Variants in CSMD2 observed in about 807,000 individuals in gnomAD.
CSMD2 encodes CUB and Sushi multiple domains 2, also known as CUB and sushi domain-containing protein 2.
A neutral mutation model predicts 398.5 loss-of-function variants in CSMD2; 130 were observed. The observed-to-expected ratio is 0.33, with a 90% confidence interval of 0.28 to 0.38. The LOEUF (loss-of-function observed/expected upper bound fraction) is 0.38. Among genes scored for constraint, CSMD2 ranks in the 10% least tolerant of loss-of-function variants. The pLI is 1.00. For missense variants in CSMD2, 3,829 were observed against 4,764.9 expected (o/e 0.80, Z 5.78); for synonymous variants, 1,828 against 1,908.5 (o/e 0.96, Z 1.10).
intron 53 of CSMD2, among the ~76,000 whole-genome samples, chr1:33,560,200 T>A (rs905587330): frequency 3.9e-5 from 6 of 152,190 alleles, no homozygotes; most frequent in African/African-American, 1.4e-4. Flanking sequence ...CAGTGTTGCC[T>A]CTGTGGGTGG....
chr1:33,765,189 TG>T lies in CSMD2; in HGVS notation c.1846+7379del, dbSNP rs564081221. On this transcript the variant is annotated intron_variant, in intron 13 of 70. Coordinates refer to ENST00000373381, the MANE Select transcript of CSMD2 (RefSeq NM_001281956.2). ...TGCACATACAAAAATCCCAATAGGA[TG>T]TTTTTTTTACTCTGACAAAATGATT... Among the ~76,000 whole-genome samples the T allele has an allele frequency of 1.4e-4, 22 of 152,372 alleles. No homozygotes were observed. The East Asian group carries it at 2.7e-3, about 19-fold the overall frequency.
chr1:33,621,261 G>T (rs1361404579), intron 37 of CSMD2, among the ~76,000 whole-genome samples: 1 of 152,088 alleles, frequency 6.6e-6, no homozygotes. Context: ...TTTGTACTGC[G>T]GGGACCTAAC....
chr1:33,684,503 G>A (rs1036122261), intron 25 of CSMD2, among the ~76,000 whole-genome samples: 3 of 151,990 alleles, frequency 2.0e-5, no homozygotes, highest in African/African-American at 4.8e-5. Flanking sequence ...GCTTCAACCC[G>A]AACCACATTT....
At chr1:33,582,880 G>C (rs1288871374) in intron 47 of CSMD2, among the ~76,000 whole-genome samples, 2 of 152,180 alleles carry the variant, frequency 1.3e-5, no homozygotes, top group African/African-American at 4.8e-5. Flanking sequence ...TGTAGCTGTT[G>C]ATCTGGCCAT....
At chr1:33,686,196 CCCTTT>C (rs1419900549) in intron 25 of CSMD2, among the ~76,000 whole-genome samples, 1 of 152,190 alleles carries the variant, frequency 6.6e-6, no homozygotes, top group Non-Finnish European at 1.5e-5. Flanking sequence ...GGCTTTCCCT[CCCTTT>C]CTTTTCCAGT....
intron 5 of CSMD2, among the ~76,000 whole-genome samples, chr1:33,907,514 A>T (rs575478179): frequency 6.6e-6 from 1 of 152,114 alleles, no homozygotes; most frequent in South Asian, 2.1e-4. Flanking sequence ...ATGAATGGGG[A>T]GAGAAGACTT....
chr1:33,656,007 C>T (rs1469180363), intron 27 of CSMD2, among the ~76,000 whole-genome samples: 1 of 152,180 alleles, frequency 6.6e-6, no homozygotes, highest in East Asian at 1.9e-4. Context: ...TTGCAGAAGG[C>T]TGAATTTGGA....
At chr1:33,521,438 CTT>C in intron 68 of CSMD2, 23 bp downstream of exon 68, 1 of 1,328,744 alleles carries the variant, frequency 7.5e-7, no homozygotes, top group Non-Finnish European at 1.1e-6. Flanking sequence ...CGGGCCCACA[CTT>C]CCGGGGGACA....
At position 33,679,289 on chromosome 1, in the gene CSMD2, C is replaced by T. The variant is rs553401374; in HGVS notation, c.4052+13641G>A. 1.9e-3 allele frequency among the ~76,000 whole-genome samples: 284 copies of T among 151,612 alleles called. 2 individuals carry two copies. Among genetic ancestry groups the T allele is most frequent in the Middle Eastern group, 0.014 (4 of 294 alleles). On this transcript the variant is annotated intron_variant, in intron 25 of 70. Transcript: ENST00000373381. ...CCATCTTGGCTCACTGCAATCTCCG[C>T]CCCCTGGGTTCAAGCGATTCTCCTG...
intron 3 of CSMD2, among the ~76,000 whole-genome samples, chr1:33,938,425 T>G (rs1357950909): frequency 6.6e-6 from 1 of 150,918 alleles, no homozygotes; most frequent in Admixed American, 6.6e-5. Flanking sequence ...CATGATCCCA[T>G]GTTGCTGGCT....
chr1:34,084,426 C>T (rs1184778625), intron 2 of CSMD2, among the ~76,000 whole-genome samples: 1 of 152,142 alleles, frequency 6.6e-6, no homozygotes, highest in Non-Finnish European at 1.5e-5. Context: ...AAGAAACCAC[C>T]ATCAGAGTGA....
At chr1:33,935,646 C>G (rs1052520947) in intron 4 of CSMD2, 114 bp downstream of exon 4, 2 of 1,135,632 alleles carry the variant, frequency 1.8e-6, no homozygotes, top group Non-Finnish European at 2.5e-6. Flanking sequence ...GACTTGGGTA[C>G]CCCCCTCCCT....
chr1:33,654,236 C>G (rs563584071), intron 27 of CSMD2, among the ~76,000 whole-genome samples: 6 of 152,282 alleles, frequency 3.9e-5, no homozygotes, highest in Admixed American at 3.9e-4. Context: ...ATTTTAGATA[C>G]ACTATCTCAT....
chr1:33,939,969 A>G (rs1185299332), intron 3 of CSMD2, among the ~76,000 whole-genome samples: 1 of 152,086 alleles, frequency 6.6e-6, no homozygotes, highest in African/African-American at 2.4e-5. Context: ...ATTTGCTAGG[A>G]CTCCTGTAAC....
chr1:33,636,047 C>T lies in CSMD2; in HGVS notation c.4969+313G>A, dbSNP rs116101067. On this transcript the variant is annotated intron_variant, in intron 30 of 70. Coordinates refer to ENST00000373381, the MANE Select transcript of CSMD2 (RefSeq NM_001281956.2). The surrounding 1 kb of genome is among the most constrained non-coding windows in gnomAD (Gnocchi z 4.8). ...CTAGGCCTAGGAACTAGTCCAGGAGCCACCTTTAAATGACTTCTCCCTGGT... is the reference window on the plus strand; with the variant it reads ...CTAGGCCTAGGAACTAGTCCAGGAGTCACCTTTAAATGACTTCTCCCTGGT... Among the ~76,000 whole-genome samples the T allele has an allele frequency of 1.5e-3, 228 of 152,250 alleles. 1 individual carries two copies. Among genetic ancestry groups the T allele is most frequent in the African/African-American group, 5.1e-3 (211 of 41,540 alleles).
chr1:33,525,828 G>A (rs1654722197), intron 65 of CSMD2, among the ~76,000 whole-genome samples: 1 of 152,116 alleles, frequency 6.6e-6, no homozygotes, highest in African/African-American at 2.4e-5. Flanking sequence ...GGGATTACAG[G>A]CATGCACCAC....
intron 25 of CSMD2, among the ~76,000 whole-genome samples, chr1:33,687,312 A>C (rs1645092026): frequency 6.6e-6 from 1 of 152,248 alleles, no homozygotes; most frequent in East Asian, 1.9e-4. Context: ...CAAGATGATA[A>C]CATATTGATA....
rs181210928 is a variant in CSMD2 at position 33,820,902 on chromosome 1, C to T, written c.1112-346G>A. Among the ~76,000 whole-genome samples, 52 of 152,258 alleles carry T rather than the reference C, an allele frequency of 3.4e-4. No homozygotes were observed. The Middle Eastern group carries it at 0.014, about 40-fold the overall frequency. ...AGCCCCTGGTGACCTCCCCCCACCACGCCTATGCTTCAGATCTGGGGTGGA... is the reference window on the plus strand; with the variant it reads ...AGCCCCTGGTGACCTCCCCCCACCATGCCTATGCTTCAGATCTGGGGTGGA... On this transcript the variant is annotated intron_variant, in intron 7 of 70. Coordinates refer to ENST00000373381, the MANE Select transcript of CSMD2 (RefSeq NM_001281956.2).
At chr1:33,938,456 C>CCCATG (rs1342197259) in intron 3 of CSMD2, among the ~76,000 whole-genome samples, 1 of 150,846 alleles carries the variant, frequency 6.6e-6, no homozygotes, top group African/African-American at 2.4e-5. Context: ...TTCCCATGAT[C>CCCATG]TCACACTGCT....
Sources: allele counts gnomAD v4.1 joint callset (sites outside exome capture counted in the v4.1 genomes callset), GRCh38; gene constraint gnomAD v4.1.1; non-coding constraint Gnocchi (gnomAD v3.1); transcripts MANE v1.5; gene names NCBI Gene and HGNC (gene_info 2026-07-23, HGNC 2026-07-21).